TAFA2: variants seen among roughly 807,000 people sequenced by gnomAD.
The protein encoded by TAFA2 is chemokine-like protein TAFA-2.
In TAFA2, 7 loss-of-function variants were observed where a neutral mutation model predicts 18.8. The ratio of observed to expected loss-of-function variants is 0.37; its 90% CI spans 0.21 to 0.70. The LOEUF (loss-of-function observed/expected upper bound fraction) is 0.70. TAFA2 is among the 30% of genes least tolerant of loss of function. TAFA2 has a pLI of 0.53. For synonymous variants in TAFA2, 60 were observed against 54.2 expected (o/e 1.11, Z -0.47); for missense variants, 122 against 158.1 (o/e 0.77, Z 1.23).
At chr12:62,113,870 T>C (rs541302467) in intron 1 of TAFA2, among the ~76,000 whole-genome samples, 90 of 152,326 alleles carry the variant, frequency 5.9e-4, no homozygotes, top group African/African-American at 2.1e-3. Flanking sequence ...CCAGGTCGAC[T>C]TCAGACTGCT....
chr12:62,128,158 A>G (rs992615605), intron 1 of TAFA2, among the ~76,000 whole-genome samples: 7 of 152,104 alleles, frequency 4.6e-5, no homozygotes, highest in African/African-American at 1.7e-4. Context: ...GGTCAATTTT[A>G]TCACTGCCTT....
At chr12:62,004,858 G>T (rs1880494827) in intron 1 of TAFA2, among the ~76,000 whole-genome samples, 2 of 151,978 alleles carry the variant, frequency 1.3e-5, no homozygotes, top group Non-Finnish European at 2.9e-5. Context: ...TAAAAATGAA[G>T]GAATTACATC....
At chr12:61,730,374 G>C (rs1038434490) in intron 4 of TAFA2, among the ~76,000 whole-genome samples, 3 of 152,098 alleles carry the variant, frequency 2.0e-5, no homozygotes, top group African/African-American at 7.2e-5. Flanking sequence ...GGTTTCAAGA[G>C]AATATCAGCT....
intron 1 of TAFA2, among the ~76,000 whole-genome samples, chr12:62,181,497 A>T (rs1288553461): frequency 6.6e-6 from 1 of 152,246 alleles, no homozygotes; most frequent in Non-Finnish European, 1.5e-5. Flanking sequence ...TTAGAAGAAA[A>T]AAACTGAGTA....
chr12:61,843,104 C>T (rs1232302278), intron 2 of TAFA2, among the ~76,000 whole-genome samples: 1 of 151,960 alleles, frequency 6.6e-6, no homozygotes, highest in African/African-American at 2.4e-5. Context: ...TTCAGTAGGC[C>T]TTTAGGCAGG....
chr12:61,853,774 A>G (rs533502189), intron 2 of TAFA2, among the ~76,000 whole-genome samples: 1 of 152,226 alleles, frequency 6.6e-6, no homozygotes, highest in East Asian at 1.9e-4. Context: ...GTTTTTTAAG[A>G]GACACAGAGT....
intron 2 of TAFA2, among the ~76,000 whole-genome samples, chr12:61,790,188 A>AAAG (rs34320899): frequency 0.046 from 6,945 of 150,376 alleles, 496 homozygotes; most frequent in African/African-American, 0.16. Flanking sequence ...AAAAAAAAAA[A>AAAG]TCCCCAAAAT....
chr12:61,969,396 A>C (rs931111565), intron 1 of TAFA2, among the ~76,000 whole-genome samples: 8 of 151,738 alleles, frequency 5.3e-5, no homozygotes, highest in African/African-American at 1.7e-4. Flanking sequence ...ATATTAAATA[A>C]CTAAAAAGAA....
chr12:62,002,209 T>C (rs1880402140), intron 1 of TAFA2, among the ~76,000 whole-genome samples: 1 of 152,232 alleles, frequency 6.6e-6, no homozygotes, highest in African/African-American at 2.4e-5. Context: ...ATTGCATGTA[T>C]TCCATAAATA....
In TAFA2 at chr12:62,209,924, G is replaced by A. The variant is rs576820861; in HGVS notation, c.-130+48839C>T. Among the ~76,000 whole-genome samples, 5 of 152,334 alleles carry A rather than the reference G, an allele frequency of 3.3e-5. No individual in the cohort carries two copies. In the East Asian group the frequency reaches 7.7e-4, roughly 23 times the overall value. ...GTTAAAAAATAAGGGCATCTGGCCAGGCGCAGGGGCTCACGCCTGTAATCC... is the reference window on the plus strand; with the variant it reads ...GTTAAAAAATAAGGGCATCTGGCCAAGCGCAGGGGCTCACGCCTGTAATCC... On this transcript the variant is annotated intron_variant, in intron 1 of 5. Coordinates refer to the TAFA2 transcript ENST00000551619.
At chr12:62,026,694 T>C (rs1321259341) in intron 1 of TAFA2, among the ~76,000 whole-genome samples, 1 of 152,212 alleles carries the variant, frequency 6.6e-6, no homozygotes, top group Non-Finnish European at 1.5e-5. Flanking sequence ...GTTTATTCTT[T>C]GTATCTTCTA....
At chr12:61,949,815 G>C (rs1878404108) in intron 1 of TAFA2, among the ~76,000 whole-genome samples, 1 of 152,050 alleles carries the variant, frequency 6.6e-6, no homozygotes, top group African/African-American at 2.4e-5. Flanking sequence ...CATTTTAAGT[G>C]TACAATTCAG....
intron 4 of TAFA2, among the ~76,000 whole-genome samples, chr12:61,751,298 A>G (rs1037850329): frequency 6.6e-6 from 1 of 152,094 alleles, no homozygotes; most frequent in African/African-American, 2.4e-5. Context: ...TTGGTGGGCC[A>G]AACTAAATTG....
intron 1 of TAFA2, among the ~76,000 whole-genome samples, chr12:61,927,248 T>G (rs1877344085): frequency 6.6e-6 from 1 of 152,138 alleles, no homozygotes; most frequent in Non-Finnish European, 1.5e-5. Flanking sequence ...ATGACATGAT[T>G]GTATATTTAG....
chr12:62,235,352 T>C, intron 1 of TAFA2: 2 of 655,418 alleles, frequency 3.1e-6, no homozygotes, highest in Non-Finnish European at 5.6e-6. Context: ...GAATGCTTGG[T>C]AGGCCATGGT....
intron 2 of TAFA2, among the ~76,000 whole-genome samples, chr12:61,848,383 A>G (rs1325659207): frequency 2.6e-5 from 4 of 152,214 alleles, no homozygotes; most frequent in African/African-American, 9.6e-5. Context: ...ATCTATCTAC[A>G]AATAAAAATT....
chr12:61,713,155 A>G (rs1869490849), intron 4 of TAFA2, among the ~76,000 whole-genome samples: 2 of 152,196 alleles, frequency 1.3e-5, no homozygotes, highest in African/African-American at 4.8e-5. Context: ...ATGGAGGTGT[A>G]AACACAATGT....
At chr12:61,942,009 C>A (rs1412023034) in intron 1 of TAFA2, among the ~76,000 whole-genome samples, 2 of 151,818 alleles carry the variant, frequency 1.3e-5, no homozygotes, top group Non-Finnish European at 2.9e-5. Context: ...AGGGCACAGA[C>A]AAACAAAAAG....
At chr12:62,029,422 A>C (rs1237652164) in intron 1 of TAFA2, among the ~76,000 whole-genome samples, 3 of 152,148 alleles carry the variant, frequency 2.0e-5, no homozygotes, top group Non-Finnish European at 2.9e-5. Context: ...AAAGTTAACA[A>C]ACTCATCTAA....
Sources: gnomAD v4.1 joint callset for allele counts (sites outside exome capture counted in the v4.1 genomes callset) on GRCh38, gnomAD v4.1.1 for gene constraint, MANE v1.5 for transcripts, NCBI Gene and HGNC (gene_info 2026-07-23, HGNC 2026-07-21) for gene names.